The following PDIA5 variants were observed in gnomAD, a reference collection of about 807,000 sequenced individuals.
The protein encoded by PDIA5 is protein disulfide-isomerase A5.
In PDIA5, 58 loss-of-function variants were observed where a neutral mutation model predicts 77.6. The observed-to-expected ratio is 0.75, with a 90% confidence interval of 0.61 to 0.93. The LOEUF (loss-of-function observed/expected upper bound fraction) is 0.93, where lower values mean the gene tolerates loss of function less well. Among genes scored for constraint, PDIA5 ranks in the 40% least tolerant of loss-of-function variants. The probability of loss-of-function intolerance (pLI) is 0.00; values close to 1 mark genes in which losing one functional copy is unlikely to be tolerated. For missense variants in PDIA5, 630 were observed against 647.7 expected (o/e 0.97, Z 0.30); for synonymous variants, 250 against 252.1 (o/e 0.99, Z 0.08).
Position 123,146,196 on chromosome 3 carries a change from A to T in PDIA5, c.1079A>T (p.Asn360Ile), listed in dbSNP as rs1396139181. The T allele has an allele frequency of 1.9e-6, 3 of 1,614,008 alleles. No homozygotes were observed. The Admixed American group carries it at 5.0e-5, about 27-fold the overall frequency. ...SEFPTLKYFK[N>I]GEKYAVPVLR... ...TTTCCTACGTTGAAGTATTTTAAGA[A>T]TGGAGAGAAATACGCAGTGCCTGTG... Residue 360 changes from asparagine to isoleucine, a missense_variant, in exon 13 of 17, where the codon AAT becomes ATT. Transcript: ENST00000316218.
At chr3:123,113,693 A>G (rs1479077430) in intron 7 of PDIA5, among the ~76,000 whole-genome samples, 5 of 152,204 alleles carry the variant, frequency 3.3e-5, no homozygotes, top group African/African-American at 1.2e-4. Flanking sequence ...GATTCCTGGG[A>G]TACACAGCAG....
Position 123,130,602 on chromosome 3 carries a change from T to C in PDIA5, c.896T>C (p.Met299Thr), listed in dbSNP as rs370853244. The C allele has an allele frequency of 3.7e-6, 6 of 1,614,142 alleles. No homozygotes were observed. Among genetic ancestry groups the C allele is most frequent in the East Asian group, 2.2e-5 (1 of 44,888 alleles). The change falls in exon 11 of 17, where the codon ATG (methionine) becomes ACG (threonine). Residue 299 changes from methionine (M) to threonine (T), a missense_variant. Met to Thr is a moderately conservative substitution (Grantham distance 81). Transcript: ENST00000316218. ...FVKEHSSVLV[M>T]FHAPWCGHCK... ...AAGGAACACTCCTCTGTCCTCGTCA[T>C]GTTCCACGCCCCATGTGAGTGGAAC... is the stretch of plus-strand genomic sequence containing the variant.
chr3:123,161,316 C>T lies in PDIA5; in HGVS notation c.1345-5C>T, dbSNP rs759021633. 1.4e-5 allele frequency: 23 copies of T among 1,613,300 alleles called. No individual in the cohort carries two copies. The highest frequency in any genetic ancestry group is 2.2e-5 in the East Asian group (1 of 44,884). The stretch of plus-strand genomic sequence containing the variant: ...TGTGCCAACTCTCTTTACCTTGGCT[C>T]CTAGATTGCCTGTGCCGCTGTTGAC... On this transcript the variant is annotated splice_polypyrimidine_tract_variant and splice_region_variant and intron_variant, in intron 15 of 16. Transcript: ENST00000316218.
At chr3:123,143,899 A>G (rs1242835519) in intron 11 of PDIA5, among the ~76,000 whole-genome samples, 1 of 152,150 alleles carries the variant, frequency 6.6e-6, no homozygotes, top group Non-Finnish European at 1.5e-5. Flanking sequence ...CTCTGTCCAG[A>G]GGAGGAGCTT....
At chr3:123,134,922 G>A (rs1446942836) in intron 11 of PDIA5, among the ~76,000 whole-genome samples, 2 of 152,132 alleles carry the variant, frequency 1.3e-5, no homozygotes, top group Admixed American at 6.5e-5. Context: ...GCCAGGAGCC[G>A]CCTCTCTTGC....
At chr3:123,151,656 G>A (rs190203892) in intron 14 of PDIA5, among the ~76,000 whole-genome samples, 36 of 152,346 alleles carry the variant, frequency 2.4e-4, no homozygotes, top group East Asian at 2.1e-3. Context: ...TGCTGGGACC[G>A]ACAGGTGCTT....
chr3:123,161,446 C>A lies in PDIA5; in HGVS notation c.1470C>A (p.Ser490Arg). 6.2e-7 allele frequency: 1 copy of A among 1,613,698 alleles called. No homozygotes were observed. The highest frequency in any genetic ancestry group is 8.5e-7 in the Non-Finnish European group (1 of 1,179,866). The change falls in exon 16 of 17, where the codon AGC becomes AGA. Residue 490 changes from serine to arginine, a missense_variant. Transcript: ENST00000316218. ...GGAAGTTCGCAGAAAAGTATGACAG[C>A]GACCGCACAGTAAGTGGGGGAGAGG... ...HYGKFAEKYD[S>R]DRTELGFTNY...
At chr3:123,158,509 G>T (rs1483424845) in intron 15 of PDIA5, among the ~76,000 whole-genome samples, 2 of 152,132 alleles carry the variant, frequency 1.3e-5, no homozygotes, top group Non-Finnish European at 2.9e-5. Flanking sequence ...GGTGTTTTAT[G>T]GGCAGATGAC....
At chr3:123,151,111 C>T (rs574712870) in intron 14 of PDIA5, among the ~76,000 whole-genome samples, 2 of 152,298 alleles carry the variant, frequency 1.3e-5, no homozygotes, top group Non-Finnish European at 2.9e-5. Context: ...CTGTTGGCTC[C>T]CCCGTCCCCA....
intron 7 of PDIA5, among the ~76,000 whole-genome samples, chr3:123,115,176 C>G (rs1164332031): frequency 2.0e-5 from 3 of 152,224 alleles, no homozygotes; most frequent in African/African-American, 7.2e-5. Context: ...CTGTGCTCTT[C>G]AGATGCATCT....
chr3:123,073,848 G>A (rs1219750711), intron 1 of PDIA5, among the ~76,000 whole-genome samples: 1 of 152,214 alleles, frequency 6.6e-6, no homozygotes, highest in Non-Finnish European at 1.5e-5. Flanking sequence ...TGGAAGTCGT[G>A]AGCAGGTCCT....
At chr3:123,078,051 G>A (rs1358070363) in intron 1 of PDIA5, among the ~76,000 whole-genome samples, 7 of 152,008 alleles carry the variant, frequency 4.6e-5, no homozygotes, top group Non-Finnish European at 5.9e-5. Context: ...TGCGTGATCC[G>A]CTCGCCTCAG....
chr3:123,110,802 C>A, intron 6 of PDIA5, 142 bp from the exon 7 acceptor site: 1 of 749,222 alleles, frequency 1.3e-6, no homozygotes, highest in Non-Finnish European at 2.4e-6. Context: ...CAGCTGCCAG[C>A]GTATGCTTTC....
intron 8 of PDIA5, among the ~76,000 whole-genome samples, chr3:123,119,923 C>T (rs1373072764): frequency 6.6e-6 from 1 of 152,178 alleles, no homozygotes; most frequent in Non-Finnish European, 1.5e-5. Flanking sequence ...GGAAGGAAGG[C>T]ATGCCAGGTC....
chr3:123,130,259 A>C (rs376018297), intron 10 of PDIA5, among the ~76,000 whole-genome samples: 2 of 152,378 alleles, frequency 1.3e-5, no homozygotes, highest in African/African-American at 4.8e-5. Context: ...ATATCAGCTA[A>C]GTACCTGTCT....
At chr3:123,088,773 C>CA in intron 1 of PDIA5, among the ~76,000 whole-genome samples, 1 of 152,230 alleles carries the variant, frequency 6.6e-6, no homozygotes, top group African/African-American at 2.4e-5. Flanking sequence ...TTTATGATAC[C>CA]AAATACAATA....
chr3:123,080,771 A>G (rs907241910), intron 1 of PDIA5, among the ~76,000 whole-genome samples: 1 of 152,326 alleles, frequency 6.6e-6, no homozygotes, highest in East Asian at 1.9e-4. Flanking sequence ...GTGTGCCAGA[A>G]CACCCAGAAT....
At chr3:123,072,655 T>G (rs986468863) in intron 1 of PDIA5, among the ~76,000 whole-genome samples, 2 of 152,150 alleles carry the variant, frequency 1.3e-5, no homozygotes, top group African/African-American at 4.8e-5. Context: ...TAAGTGTGCT[T>G]GGTTTCTCTC....
chr3:123,070,053 G>A, intron 1 of PDIA5, among the ~76,000 whole-genome samples: 1 of 147,860 alleles, frequency 6.8e-6, no homozygotes, highest in Non-Finnish European at 1.5e-5. Context: ...TCGCGCCACT[G>A]CACTCCAGCC....
Sources: allele counts gnomAD v4.1 joint callset (sites outside exome capture counted in the v4.1 genomes callset), GRCh38; gene constraint gnomAD v4.1.1; transcripts MANE v1.5; gene names NCBI Gene and HGNC (gene_info 2026-07-23, HGNC 2026-07-21).